The following GEM variants were observed in gnomAD, a reference collection of about 807,000 sequenced individuals.
GEM encodes the protein GTP-binding protein GEM.
Under a neutral mutation model 33.0 loss-of-function variants are expected in GEM, and 31 were observed. The observed-to-expected ratio is 0.94, with a 90% confidence interval of 0.71 to 1.27. The LOEUF is 1.27. Among genes scored for constraint, GEM ranks in the 50% most tolerant of loss-of-function variants. The pLI is 0.00. For synonymous variants in GEM, 141 were observed against 143.7 expected (o/e 0.98, Z 0.13); for missense variants, 354 against 390.5 (o/e 0.91, Z 0.79).
At chr8:94,258,650 A>C (rs1368616838) in intron 2 of GEM, among the ~76,000 whole-genome samples, 1 of 152,180 alleles carries the variant, frequency 6.6e-6, no homozygotes, top group Non-Finnish European at 1.5e-5. Flanking sequence ...GTAAGCCTCC[A>C]TTTCTTCACC....
At chr8:94,261,422 C>A (rs1016455899) in intron 1 of GEM, among the ~76,000 whole-genome samples, 3 of 152,250 alleles carry the variant, frequency 2.0e-5, no homozygotes, top group Non-Finnish European at 4.4e-5. Flanking sequence ...TCATAGCTCA[C>A]TGTAGCTAGC....
rs138012458 is a variant in GEM, at chr8:94,250,547, G to C, written c.654C>G (p.Ile218Met). ...ACAVVFDCKF[I>M]ETSAAVQHNV... is the part of the protein sequence containing the mutation. ...TGTGCTGGACAGCTGCAGAGGTCTC[G>C]ATGAACTTGCAGTCAAACACCACTG... The change falls in exon 5 of 5, where the codon ATC becomes ATG. Residue 218 changes from isoleucine to methionine, a missense_variant. Physicochemically the swap from Ile to Met is conservative, Grantham distance 10. Transcript: ENST00000297596. The C allele has an allele frequency of 6.2e-7, 1 of 1,614,026 alleles. No individual in the cohort carries two copies. The highest frequency in any genetic ancestry group is 1.1e-5 in the South Asian group (1 of 91,072).
chr8:94,256,007 C>T (rs1808886659), intron 2 of GEM, among the ~76,000 whole-genome samples: 1 of 152,202 alleles, frequency 6.6e-6, no homozygotes, highest in Non-Finnish European at 1.5e-5. Flanking sequence ...CGGCCTCTCC[C>T]TGGGCTTCCG....
chr8:94,252,256 G>A, intron 3 of GEM, 33 bp from the exon 4 acceptor site: 2 of 1,392,584 alleles, frequency 1.4e-6, no homozygotes, highest in Non-Finnish European at 1.0e-6. Flanking sequence ...TGTGAGTTCA[G>A]TTAGGCCTGG....
intron 3 of GEM, 43 bp downstream of exon 3, chr8:94,252,993 G>A (rs778710538): frequency 1.8e-6 from 2 of 1,125,742 alleles, no homozygotes; most frequent in African/African-American, 1.5e-5. Context: ...CTTGTTGAAA[G>A]GAAAGCCCTA....
At chr8:94,256,896 C>T (rs995255110) in intron 2 of GEM, among the ~76,000 whole-genome samples, 1 of 152,324 alleles carries the variant, frequency 6.6e-6, no homozygotes, top group South Asian at 2.1e-4. Context: ...TCGTAACACC[C>T]TATGAAGGAG....
rs752242946 is a variant in GEM at position 94,250,283 on chromosome 8, A to G, written c.*27T>C. 1.9e-6 allele frequency: 3 copies of G among 1,582,504 alleles called. No individual in the cohort carries two copies. Among genetic ancestry groups the G allele is most frequent in the South Asian group, 1.1e-5 (1 of 87,506 alleles). On this transcript the variant is annotated 3_prime_UTR_variant, in exon 5 of 5. Transcript: ENST00000297596. Reference sequence around the variant, plus strand: ...CAATGGCCTTCAACAACGGCCATCAAAGGGACATCTGGGTGACCCTGGGTT... The same window carrying G: ...CAATGGCCTTCAACAACGGCCATCAGAGGGACATCTGGGTGACCCTGGGTT...
chr8:94,259,982 T>C, intron 2 of GEM, 191 bp downstream of exon 2: 1 of 533,062 alleles, frequency 1.9e-6, no homozygotes, highest in Non-Finnish European at 3.3e-6. Context: ...TTTGGTCCTG[T>C]CTACAAGCAT....
intron 2 of GEM, among the ~76,000 whole-genome samples, chr8:94,255,381 C>T (rs763309816): frequency 3.9e-5 from 6 of 152,174 alleles, no homozygotes; most frequent in African/African-American, 1.2e-4. Flanking sequence ...CTGAAAATTA[C>T]GGTGTTGGAG....
At chr8:94,254,094 C>G (rs1808836490) in intron 2 of GEM, among the ~76,000 whole-genome samples, 1 of 152,160 alleles carries the variant, frequency 6.6e-6, no homozygotes, top group Non-Finnish European at 1.5e-5. Flanking sequence ...GGAGGTGCTT[C>G]CTGGCCATCC....
intron 1 of GEM, among the ~76,000 whole-genome samples, chr8:94,261,201 C>T (rs956694791): frequency 6.6e-6 from 1 of 152,164 alleles, no homozygotes; most frequent in Admixed American, 6.5e-5. Flanking sequence ...CCCTCTTACC[C>T]ACAGATACCA....
Position 94,262,260 on chromosome 8 carries a change from G to A in GEM, c.-180C>T, listed in dbSNP as rs1208925715. 1.3e-5 allele frequency: 2 copies of A among 152,252 alleles called. No individual in the cohort carries two copies. Among genetic ancestry groups the A allele is most frequent in the Non-Finnish European group, 2.9e-5 (2 of 68,072 alleles). The allele number at this position is 152,252 out of a possible 1,614,324, so 9.4% of individuals were successfully genotyped here. A position where few individuals can be genotyped will look rare whatever the true frequency, so the allele number is the denominator to read the frequency against. ...AGCGTATCGCGTGGGTCCGCGCTGGGATACCCGGGCCAACGAGCGGGGAGT... is the reference window on the plus strand; with the variant it reads ...AGCGTATCGCGTGGGTCCGCGCTGGAATACCCGGGCCAACGAGCGGGGAGT... On this transcript the variant is annotated 5_prime_UTR_variant, in exon 1 of 5. Coordinates refer to ENST00000297596, the MANE Select transcript of GEM (RefSeq NM_005261.4).
rs1317636210 is a variant in GEM, at chr8:94,260,404, G to A, written c.100C>T (p.Gln34Ter). The A allele has an allele frequency of 6.2e-7, 1 of 1,613,962 alleles. No homozygotes were observed. The highest frequency in any genetic ancestry group is 1.7e-5 in the Admixed American group (1 of 60,034). The change falls in exon 2 of 5, where the codon CAG becomes TAG. Residue 34 changes from glutamine to a stop codon, truncating the protein, a stop_gained. Coordinates refer to ENST00000297596, the MANE Select transcript of GEM (RefSeq NM_005261.4). LOFTEE classifies it high-confidence loss of function. ...TGGCTGTACTGGTGGGGCTCTTTCT[G>A]GACCATCAGATGCCTGCCATCAGCT... ...IPADGRHLMVQKEPHQYSHRN... is the reference protein window; with the variant it reads ...IPADGRHLMV
chr8:94,253,067 G>T lies in GEM; in HGVS notation c.377C>A (p.Thr126Lys). ...RTLMVDGESA[T>K]IILLDMWENK... is the part of the protein sequence containing the mutation. The stretch of plus-strand genomic sequence containing the variant: ...TTCCCACATATCCAGGAGTATAATC[G>T]TTGCACTTTCCCCATCAACCATCAG... Residue 126 changes from threonine to lysine, a missense_variant, in exon 3 of 5, where the codon ACG (threonine) becomes AAG (lysine). By Grantham distance (78) the Thr-to-Lys change is moderately conservative. Coordinates refer to ENST00000297596, the MANE Select transcript of GEM (RefSeq NM_005261.4). 6.3e-7 allele frequency: 1 copy of T among 1,598,770 alleles called. No individual in the cohort carries two copies. Among genetic ancestry groups the T allele is most frequent in the Non-Finnish European group, 8.6e-7 (1 of 1,166,230 alleles).
chr8:94,251,587 T>C (rs772271539), intron 4 of GEM, among the ~76,000 whole-genome samples: 7 of 152,164 alleles, frequency 4.6e-5, no homozygotes, highest in Non-Finnish European at 8.8e-5. Flanking sequence ...TCAAATGAAA[T>C]TTCAGAAGCC....
intron 4 of GEM, 27 bp downstream of exon 4, chr8:94,251,992 C>G: frequency 6.5e-7 from 1 of 1,543,410 alleles, no homozygotes; most frequent in Non-Finnish European, 9.0e-7. Flanking sequence ...GCGATTGTTT[C>G]TACAGTATTG....
chr8:94,249,273 CT>C lies in GEM; in HGVS notation c.*1036del, dbSNP rs1283963060. On this transcript the variant is annotated 3_prime_UTR_variant, in exon 5 of 5. Transcript: ENST00000297596. ...ATGCCTTTTTTCAAATATTTTATTTCTTTTATTATAAGACATATAGGTAAAA... is the reference window on the plus strand; with the variant it reads ...ATGCCTTTTTTCAAATATTTTATTTCTTTATTATAAGACATATAGGTAAAA... 1 of 152,002 alleles carries C rather than the reference CT, an allele frequency of 6.6e-6. No individual in the cohort carries two copies. The highest frequency in any genetic ancestry group is 1.5e-5 in the Non-Finnish European group (1 of 67,986). 9.4% of individuals were successfully genotyped at this position (152,002 alleles called of 1,614,324 possible).
chr8:94,253,094 G>A lies in GEM; in HGVS notation c.350C>T (p.Thr117Ile). ...EVLGEDTYER[T>I]LMVDGESATI... is the part of the protein sequence containing the mutation. Reference sequence around the variant, plus strand: ...TGCACTTTCCCCATCAACCATCAGGGTTCGTTCATATGTATCTTCTAGAGA... The same window carrying A: ...TGCACTTTCCCCATCAACCATCAGGATTCGTTCATATGTATCTTCTAGAGA... Residue 117 changes from threonine to isoleucine, a missense_variant, in exon 3 of 5, where the codon ACC becomes ATC. Coordinates refer to ENST00000297596, the MANE Select transcript of GEM (RefSeq NM_005261.4). The A allele has an allele frequency of 6.3e-7, 1 of 1,591,396 alleles. No homozygotes were observed. Among genetic ancestry groups the A allele is most frequent in the Middle Eastern group, 1.7e-4 (1 of 6,014 alleles).
At chr8:94,253,370 T>C (rs948560847) in intron 2 of GEM, among the ~76,000 whole-genome samples, 25 of 152,214 alleles carry the variant, frequency 1.6e-4, no homozygotes, top group African/African-American at 5.5e-4. Context: ...TAAAAGGCAT[T>C]TGTTTGCATC....
Sources: gnomAD v4.1 joint callset for allele counts (sites outside exome capture counted in the v4.1 genomes callset) on GRCh38, gnomAD v4.1.1 for gene constraint, MANE v1.5 for transcripts, NCBI Gene and HGNC (gene_info 2026-07-23, HGNC 2026-07-21) for gene names.